ENPP3: variants seen among roughly 807,000 people sequenced by gnomAD.
The protein encoded by ENPP3 is ectonucleotide pyrophosphatase/phosphodiesterase family member 3.
A neutral mutation model predicts 117.8 loss-of-function variants in ENPP3; 104 were observed. The ratio of observed to expected loss-of-function variants is 0.88; its 90% CI spans 0.75 to 1.04. The LOEUF is 1.04. Among genes scored for constraint, ENPP3 ranks in the 50% least tolerant of loss-of-function variants. ENPP3 has a pLI of 0.00. For synonymous variants in ENPP3, 380 were observed against 349.9 expected, an observed-to-expected ratio of 1.09 and a Z score of -0.96; for missense variants, 1,026 against 1,051.9, an observed-to-expected ratio of 0.98 and a Z score of 0.34.
At position 131,720,308 on chromosome 6, in the gene ENPP3, A is replaced by G; in HGVS notation, c.1496A>G (p.His499Arg). Residue 499 changes from histidine to arginine, a missense_variant, in exon 17 of 25, where the codon CAT (histidine) becomes CGT (arginine). By Grantham distance (29) the His-to-Arg change is conservative. Transcript: ENST00000357639. ...ATGACCTAGGCTATCTTTCTGGCAC[A>G]TGGACCCAGTTTTAAAGAGAAGACT... ...FRSMEAIFLA[H>R]GPSFKEKTEV... 6.3e-7 allele frequency: 1 copy of G among 1,595,608 alleles called. No individual in the cohort carries two copies. Among genetic ancestry groups the G allele is most frequent in the Non-Finnish European group, 8.6e-7 (1 of 1,168,320 alleles).
At chr6:131,736,536 C>G (rs1004361518) in intron 21 of ENPP3, among the ~76,000 whole-genome samples, 2 of 152,032 alleles carry the variant, frequency 1.3e-5, no homozygotes, top group Non-Finnish European at 2.9e-5. Context: ...CAATTACCTC[C>G]CACAGGGTCC....
intron 24 of ENPP3, among the ~76,000 whole-genome samples, chr6:131,743,189 T>C (rs1430879567): frequency 6.6e-6 from 1 of 151,954 alleles, no homozygotes; most frequent in Non-Finnish European, 1.5e-5. Context: ...CCAGGAAATG[T>C]ATACGATAGA....
chr6:131,637,925 C>T (rs564179780), intron 1 of ENPP3, among the ~76,000 whole-genome samples: 1 of 151,490 alleles, frequency 6.6e-6, no homozygotes, highest in African/African-American at 2.4e-5. Flanking sequence ...TGCCACCCCC[C>T]CTCACCCCCC....
At chr6:131,641,655 A>G in intron 2 of ENPP3, 125 bp downstream of exon 2, 1 of 602,300 alleles carries the variant, frequency 1.7e-6, no homozygotes, top group Non-Finnish European at 3.0e-6. Context: ...GCTTCTAGAC[A>G]TCTCCCTTTC....
At chr6:131,725,966 A>T in intron 19 of ENPP3, 80 bp from the exon 20 acceptor site, 2 of 865,526 alleles carry the variant, frequency 2.3e-6, no homozygotes, top group South Asian at 3.1e-5. Flanking sequence ...AGTGGTAGTT[A>T]TTATATGGGT....
At chr6:131,658,790 G>A (rs982091458) in intron 6 of ENPP3, among the ~76,000 whole-genome samples, 14 of 152,160 alleles carry the variant, frequency 9.2e-5, no homozygotes, top group African/African-American at 3.4e-4. Context: ...AAGGAGCCTG[G>A]TGGGCTTAGA....
Position 131,740,367 on chromosome 6 carries a change from T to G in ENPP3, c.2444T>G (p.Val815Gly), listed in dbSNP as rs756263398. The G allele has an allele frequency of 6.2e-7, 1 of 1,609,266 alleles. No individual in the cohort carries two copies. Among genetic ancestry groups the G allele is most frequent in the Non-Finnish European group, 8.5e-7 (1 of 1,177,732 alleles). Residue 815 changes from valine to glycine, a missense_variant, in exon 24 of 25, where the codon GTG becomes GGG. Physicochemically the swap from Val to Gly is moderately radical, Grantham distance 109. Coordinates refer to ENST00000357639, the MANE Select transcript of ENPP3 (RefSeq NM_005021.5). Reference sequence around the variant, plus strand: ...ATCATCCCTCACCGACCTACCAACGTGGAGAGCTGTCCTGTGAGTATGCTT... The same window carrying G: ...ATCATCCCTCACCGACCTACCAACGGGGAGAGCTGTCCTGTGAGTATGCTT... ...PFIIPHRPTNVESCPEGKPEA... is the reference protein window; with the variant it reads ...PFIIPHRPTNGESCPEGKPEA...
chr6:131,720,840 G>A (rs1388869448), intron 17 of ENPP3, among the ~76,000 whole-genome samples: 1 of 152,024 alleles, frequency 6.6e-6, no homozygotes, highest in Non-Finnish European at 1.5e-5. Flanking sequence ...CCACCTTGGC[G>A]TCTCAAAGTG....
In ENPP3 at chr6:131,737,396, A is replaced by C; in HGVS notation, c.2131A>C (p.Thr711Pro). 1.9e-6 allele frequency: 3 copies of C among 1,608,042 alleles called. No homozygotes were observed. Among genetic ancestry groups the C allele is most frequent in the Non-Finnish European group, 2.6e-6 (3 of 1,175,426 alleles). ...AGATAGCCAATATGATGCTTTAATT[A>C]CTAGCAATTTGGTACCTATGTATGA... is the stretch of plus-strand genomic sequence containing the variant. ...TSDSQYDALI[T>P]SNLVPMYEEF... Residue 711 changes from threonine to proline, a missense_variant, in exon 22 of 25, where the codon ACT becomes CCT. By Grantham distance (38) the Thr-to-Pro change is conservative (BLOSUM62 -1). Transcript: ENST00000357639.
At chr6:131,740,159 C>A in intron 23 of ENPP3, 65 bp from the exon 24 acceptor site, 1 of 1,249,408 alleles carries the variant, frequency 8.0e-7, no homozygotes, top group Non-Finnish European at 1.1e-6. Flanking sequence ...TATGTAAACA[C>A]ACTTATCACC....
intron 10 of ENPP3, among the ~76,000 whole-genome samples, chr6:131,677,537 G>A (rs929448632): frequency 6.6e-6 from 1 of 152,120 alleles, no homozygotes; most frequent in African/African-American, 2.4e-5. Flanking sequence ...AAAGAACTTG[G>A]TATAACAGAA....
intron 15 of ENPP3, among the ~76,000 whole-genome samples, chr6:131,714,824 C>A (rs184049068): frequency 3.3e-5 from 5 of 150,608 alleles, no homozygotes; most frequent in Admixed American, 3.3e-4. Context: ...CATCTTGTTT[C>A]GGCAATTAAA....
At chr6:131,717,864 A>T (rs997697775) in intron 15 of ENPP3, among the ~76,000 whole-genome samples, 11 of 152,190 alleles carry the variant, frequency 7.2e-5, no homozygotes, top group African/African-American at 2.4e-4. Context: ...TTCTACTATA[A>T]CTTTTCTATG....
chr6:131,739,593 C>CTTTTTTTTTTTTTTTTTTTT (rs71270397), intron 23 of ENPP3, among the ~76,000 whole-genome samples: 1 of 87,460 alleles, frequency 1.1e-5, no homozygotes, highest in African/African-American at 4.4e-5. Context: ...TCATGCTCTG[C>CTTTTTTTTTTTTTTTTTTTT]TTTTTTTTTT....
chr6:131,651,873 A>G (rs1778270877), intron 3 of ENPP3, among the ~76,000 whole-genome samples: 1 of 152,236 alleles, frequency 6.6e-6, no homozygotes, highest in African/African-American at 2.4e-5. Flanking sequence ...GAAGTGGACA[A>G]AAGTTACCTA....
chr6:131,679,018 C>T lies in ENPP3; in HGVS notation c.1011+1078C>T, dbSNP rs1233221256. On this transcript the variant is annotated intron_variant, in intron 11 of 24. Coordinates refer to ENST00000357639, the MANE Select transcript of ENPP3 (RefSeq NM_005021.5). ...CCTTCCTTGCTTCCTTCCTTCCTTCCTTCCTTCCTTCTTTCTTTCTTTCTT... is the reference window on the plus strand; with the variant it reads ...CCTTCCTTGCTTCCTTCCTTCCTTCTTTCCTTCCTTCTTTCTTTCTTTCTT... Among the ~76,000 whole-genome samples, 33 of 72,890 alleles carry T rather than the reference C, an allele frequency of 4.5e-4. 1 individual carries two copies. Among genetic ancestry groups the T allele is most frequent in the African/African-American group, 1.7e-3 (27 of 15,572 alleles). The allele number at this position is 72,890 out of a possible 152,430, so 47.8% of individuals were successfully genotyped here. A position where few individuals can be genotyped will look rare whatever the true frequency, so the allele number is the denominator to read the frequency against.
At chr6:131,696,599 C>CA in intron 15 of ENPP3, among the ~76,000 whole-genome samples, 1 of 152,278 alleles carries the variant, frequency 6.6e-6, no homozygotes, top group Middle Eastern at 3.4e-3. Context: ...TTGCTCAGCT[C>CA]ACCAAGCCTT....
intron 20 of ENPP3, among the ~76,000 whole-genome samples, chr6:131,731,125 C>G (rs990089317): frequency 3.3e-5 from 5 of 152,138 alleles, no homozygotes; most frequent in Admixed American, 3.3e-4. Flanking sequence ...TAAACATTGC[C>G]TCTGTTCCTT....
At chr6:131,678,977 C>G (rs867155618) in intron 11 of ENPP3, among the ~76,000 whole-genome samples, 87 of 109,000 alleles carry the variant, frequency 8.0e-4, no homozygotes, top group Middle Eastern at 4.5e-3. Context: ...TTCCTTCCTT[C>G]CTTCCTTCCT....
Sources: gnomAD v4.1 joint callset for allele counts (sites outside exome capture counted in the v4.1 genomes callset) on GRCh38, gnomAD v4.1.1 for gene constraint, MANE v1.5 for transcripts, NCBI Gene and HGNC (gene_info 2026-07-23, HGNC 2026-07-21) for gene names.